Variants in ZNG1E observed in about 807,000 individuals in gnomAD.
The protein encoded by ZNG1E is Zn regulated GTPase metalloprotein activator 1E.
chr9:65,680,837 G>A, the ZNG1E span, among the ~76,000 whole-genome samples: 1 of 151,834 alleles, frequency 6.6e-6, no homozygotes, highest in East Asian at 1.9e-4. Flanking sequence ...TGCCCAGGCT[G>A]GAGTGCAGTG....
At chr9:65,701,196 ATTC>A in the ZNG1E span, 3 of 145,240 alleles carry the variant, frequency 2.1e-5, no homozygotes, top group East Asian at 3.9e-4. Context: ...CAAAATTACT[ATTC>A]TTAGTATTTA....
chr9:65,660,590 T>A, the ZNG1E span, among the ~76,000 whole-genome samples: 5 of 152,024 alleles, frequency 3.3e-5, no homozygotes, highest in African/African-American at 1.2e-4. Context: ...TAGTGAGCTT[T>A]ACTTTACTAA....
chr9:65,679,698 G>C, the ZNG1E span, among the ~76,000 whole-genome samples: 1 of 152,260 alleles, frequency 6.6e-6, no homozygotes, highest in Non-Finnish European at 1.5e-5. Flanking sequence ...GGGACTACAG[G>C]CATGCGCCAC....
chr9:65,678,181 G>T, the ZNG1E span, among the ~76,000 whole-genome samples: 2 of 136,870 alleles, frequency 1.5e-5, no homozygotes, highest in African/African-American at 2.8e-5. Context: ...TTTCCTTTCA[G>T]TTTTCACATC....
the ZNG1E span, among the ~76,000 whole-genome samples, chr9:65,685,043 T>TAAAAAAAAAAA: frequency 9.3e-6 from 1 of 107,698 alleles, no homozygotes; most frequent in African/African-American, 3.6e-5. Context: ...CCCCATTTCT[T>TAAAAAAAAAAA]AAAAAAAAAA....
At chr9:65,672,306 A>C in the ZNG1E span, among the ~76,000 whole-genome samples, 1 of 152,282 alleles carries the variant, frequency 6.6e-6, no homozygotes, top group Non-Finnish European at 1.5e-5. Context: ...AATGAGACAA[A>C]ATAGCAAAGC....
At chr9:65,667,345 A>C in the ZNG1E span, among the ~76,000 whole-genome samples, 1 of 152,256 alleles carries the variant, frequency 6.6e-6, no homozygotes, top group Admixed American at 6.5e-5. Context: ...CCAAAATATG[A>C]GTTTGCTATA....
At chr9:65,717,467 A>G in the ZNG1E span, among the ~76,000 whole-genome samples, 1 of 148,580 alleles carries the variant, frequency 6.7e-6, no homozygotes, top group African/African-American at 2.6e-5. Flanking sequence ...CCTCTCGATG[A>G]TCCTTTTCTT....
At chr9:65,682,456 A>G in the ZNG1E span, 1 of 279,976 alleles carries the variant, frequency 3.6e-6, no homozygotes, top group African/African-American at 2.3e-5. Flanking sequence ...ATTATTTTGT[A>G]TGTTGGTTTT....
the ZNG1E span, among the ~76,000 whole-genome samples, chr9:65,687,642 GC>G: frequency 6.7e-6 from 1 of 150,148 alleles, no homozygotes; most frequent in South Asian, 2.1e-4. Flanking sequence ...TTTCTTTAAT[GC>G]TTGAGAATGT....
chr9:65,703,560 T>C, the ZNG1E span: 1 of 965,800 alleles, frequency 1.0e-6, no homozygotes, highest in Middle Eastern at 5.3e-4. Flanking sequence ...AGAAAATTTC[T>C]GTGCAGGGAT....
the ZNG1E span, among the ~76,000 whole-genome samples, chr9:65,672,330 A>AT: frequency 6.6e-6 from 1 of 152,290 alleles, no homozygotes; most frequent in South Asian, 2.1e-4. Flanking sequence ...ATGAGGAGGA[A>AT]TTTTTAAGTT....
At chr9:65,686,030 C>CT in the ZNG1E span, among the ~76,000 whole-genome samples, 3 of 132,738 alleles carry the variant, frequency 2.3e-5, no homozygotes, top group African/African-American at 5.5e-5. Flanking sequence ...TTGAAGGAAT[C>CT]TTTTTTTTTC....
At chr9:65,659,511 A>T in the ZNG1E span, among the ~76,000 whole-genome samples, 2 of 151,266 alleles carry the variant, frequency 1.3e-5, no homozygotes, top group South Asian at 2.1e-4. Flanking sequence ...AAAAAAAAAA[A>T]AAAGAGAGAG....
At chr9:65,687,340 T>G in the ZNG1E span, among the ~76,000 whole-genome samples, 1 of 140,084 alleles carries the variant, frequency 7.1e-6, no homozygotes. Context: ...GTCCATCTCC[T>G]GATTGAATTT....
At chr9:65,714,235 G>A in the ZNG1E span, among the ~76,000 whole-genome samples, 1 of 148,914 alleles carries the variant, frequency 6.7e-6, no homozygotes, top group East Asian at 1.9e-4. Flanking sequence ...CTCTGTATTG[G>A]TTATTCTAGT....
At chr9:65,675,070 A>G in the ZNG1E span, among the ~76,000 whole-genome samples, 1 of 150,392 alleles carries the variant, frequency 6.6e-6, no homozygotes, top group Admixed American at 6.6e-5. Context: ...CATACGTGGG[A>G]TATGTGATAA....
At chr9:65,665,173 A>T in the ZNG1E span, among the ~76,000 whole-genome samples, 4 of 152,288 alleles carry the variant, frequency 2.6e-5, no homozygotes, top group African/African-American at 9.6e-5. Context: ...GTTAATCCCC[A>T]AGACAATGGG....
the ZNG1E span, among the ~76,000 whole-genome samples, chr9:65,721,150 C>T: frequency 6.9e-6 from 1 of 145,506 alleles, no homozygotes; most frequent in East Asian, 2.0e-4. Flanking sequence ...GTGTCTCCAT[C>T]CATAGAATCT....
Sources: allele counts gnomAD v4.1 joint callset (sites outside exome capture counted in the v4.1 genomes callset), GRCh38; gene constraint gnomAD v4.1.1; transcripts MANE v1.5; gene names NCBI Gene and HGNC (gene_info 2026-07-23, HGNC 2026-07-21).